The following FBXW8 variants were observed in gnomAD, a reference collection of about 807,000 sequenced individuals.
The protein encoded by FBXW8 is F-box and WD repeat domain containing 8.
A neutral mutation model predicts 65.3 loss-of-function variants in FBXW8; 57 were observed. The ratio of observed to expected loss-of-function variants is 0.87; its 90% confidence interval spans 0.71 to 1.09. The LOEUF (loss-of-function observed/expected upper bound fraction) is 1.09, where lower values mean the gene tolerates loss of function less well. Among genes scored for constraint, FBXW8 ranks in the 50% least tolerant of loss-of-function variants. FBXW8 has a pLI of 0.00. For missense variants in FBXW8, 777 were observed against 814.8 expected (o/e 0.95, Z 0.57); for synonymous variants, 308 against 330.2 (o/e 0.93, Z 0.73).
At chr12:116,926,846 T>C (rs938087174) in intron 1 of FBXW8, among the ~76,000 whole-genome samples, 3 of 152,202 alleles carry the variant, frequency 2.0e-5, no homozygotes, top group African/African-American at 4.8e-5. Flanking sequence ...CCGAGACTTC[T>C]AGATGAACAG....
At chr12:116,982,479 G>A (rs1238936838) in intron 5 of FBXW8, among the ~76,000 whole-genome samples, 1 of 152,136 alleles carries the variant, frequency 6.6e-6, no homozygotes, top group African/African-American at 2.4e-5. Context: ...TTGAAGAACT[G>A]TGCACGTGAT....
Position 117,010,390 on chromosome 12 carries a change from C to CG in FBXW8, c.1308dup (p.Cys437ValfsTer30). 1 of 1,614,246 alleles carries CG rather than the reference C, an allele frequency of 6.2e-7. No homozygotes were observed. The highest frequency in any genetic ancestry group is 1.1e-5 in the South Asian group (1 of 91,084). ...CTGGGTAACGTTCTCCGTGACTTCACGTGTGTCAACCTCAGCGACAGCCCT... is the reference window on the plus strand; with the variant it reads ...CTGGGTAACGTTCTCCGTGACTTCACGGTGTGTCAACCTCAGCGACAGCCCT... On this transcript the variant is annotated frameshift_variant, in exon 8 of 11. Coordinates refer to ENST00000652555, the MANE Select transcript of FBXW8 (RefSeq NM_153348.3). LOFTEE classifies it high-confidence loss of function.
intron 5 of FBXW8, among the ~76,000 whole-genome samples, chr12:116,981,360 C>G (rs1376606062): frequency 6.6e-6 from 1 of 152,176 alleles, no homozygotes; most frequent in African/African-American, 2.4e-5. Context: ...GCAGAAGCTG[C>G]AGGACTTTGT....
intron 7 of FBXW8, among the ~76,000 whole-genome samples, chr12:117,000,857 A>G (rs1314657098): frequency 6.6e-6 from 1 of 152,218 alleles, no homozygotes; most frequent in Non-Finnish European, 1.5e-5. Context: ...ATTAATAACT[A>G]TTTTGGTAGG....
intron 1 of FBXW8, among the ~76,000 whole-genome samples, chr12:116,912,114 T>C (rs1296987891): frequency 2.6e-5 from 4 of 151,874 alleles, no homozygotes; most frequent in Non-Finnish European, 5.9e-5. Context: ...TGATTTAAAT[T>C]AGGCCCAAAG....
chr12:117,020,503 T>C (rs11835474), intron 8 of FBXW8, among the ~76,000 whole-genome samples: 4,104 of 152,330 alleles, frequency 0.027, 181 homozygotes, highest in African/African-American at 0.087. Context: ...CTCATGTCTC[T>C]TATACCCCCA....
At chr12:116,965,313 A>G (rs925092987) in intron 5 of FBXW8, among the ~76,000 whole-genome samples, 5 of 152,222 alleles carry the variant, frequency 3.3e-5, no homozygotes, top group African/African-American at 1.2e-4. Context: ...CACTTAATAT[A>G]CCATACCAGA....
At chr12:116,956,044 A>G (rs928056703) in intron 4 of FBXW8, among the ~76,000 whole-genome samples, 2 of 152,230 alleles carry the variant, frequency 1.3e-5, no homozygotes, top group African/African-American at 4.8e-5. Context: ...TCATAAGGCT[A>G]AAGCATTCTA....
At chr12:117,020,371 C>T (rs951374699) in intron 8 of FBXW8, among the ~76,000 whole-genome samples, 1 of 152,108 alleles carries the variant, frequency 6.6e-6, no homozygotes, top group Non-Finnish European at 1.5e-5. Context: ...GTGTTTGATT[C>T]GTGTGCATTG....
chr12:116,932,907 A>C (rs1304787366), intron 2 of FBXW8, among the ~76,000 whole-genome samples: 3 of 152,180 alleles, frequency 2.0e-5, no homozygotes, highest in Admixed American at 1.3e-4. Flanking sequence ...AATTTTCAAT[A>C]TTCTTGATTA....
At position 117,012,859 on chromosome 12, in the gene FBXW8, C is replaced by T. The variant is rs1953859652; in HGVS notation, c.1367+2409C>T. On this transcript the variant is annotated intron_variant, in intron 8 of 10. Transcript: ENST00000652555. Reference sequence around the variant, plus strand: ...AACTCTAAAGGTACATAAAACTGCCCCAGATTAAGACAAAAATGTTTTCAT... The same window carrying T: ...AACTCTAAAGGTACATAAAACTGCCTCAGATTAAGACAAAAATGTTTTCAT... Among the ~76,000 whole-genome samples, 3 of 152,002 alleles carry T rather than the reference C, an allele frequency of 2.0e-5. No individual in the cohort carries two copies. The South Asian group carries it at 6.2e-4, about 32-fold the overall frequency.
At chr12:117,009,338 G>A (rs1455537325) in intron 7 of FBXW8, among the ~76,000 whole-genome samples, 1 of 151,326 alleles carries the variant, frequency 6.6e-6, no homozygotes, top group Non-Finnish European at 1.5e-5. Flanking sequence ...GCTACAGTGA[G>A]CTATAATGTT....
Position 117,001,903 on chromosome 12 carries a change from C to A in FBXW8, c.1240-8420C>A, listed in dbSNP as rs146592680. Among the ~76,000 whole-genome samples the A allele has an allele frequency of 6.6e-5, 10 of 152,322 alleles. No homozygotes were observed. In the East Asian group the frequency reaches 1.7e-3, roughly 26 times the overall value. On this transcript the variant is annotated intron_variant, in intron 7 of 10. Transcript: ENST00000652555. Reference sequence around the variant, plus strand: ...CACTGAGACAAAAATGATCCCAAAGCAAAGAGAGAACCATATTCTGCTCAC... The same window carrying A: ...CACTGAGACAAAAATGATCCCAAAGAAAAGAGAGAACCATATTCTGCTCAC...
chr12:116,929,206 C>T (rs991025745), intron 2 of FBXW8, among the ~76,000 whole-genome samples: 14 of 152,038 alleles, frequency 9.2e-5, no homozygotes, highest in Non-Finnish European at 1.5e-4. Flanking sequence ...CTCTTGTTCT[C>T]GTCTTTTTGG....
chr12:116,931,451 T>TTTATAGAGATTG (rs1296481546), intron 2 of FBXW8, among the ~76,000 whole-genome samples: 1 of 152,244 alleles, frequency 6.6e-6, no homozygotes, highest in Non-Finnish European at 1.5e-5. Flanking sequence ...AGATTGCATT[T>TTTATAGAGATTG]CACTCACTTT....
chr12:116,950,892 G>A (rs570962074), intron 4 of FBXW8: 1 of 152,334 alleles, frequency 6.6e-6, no homozygotes, highest in South Asian at 2.1e-4. Flanking sequence ...ACTCCGGAAG[G>A]TACTTAGATC....
chr12:116,980,407 A>G (rs1194579243), intron 5 of FBXW8: 1 of 152,244 alleles, frequency 6.6e-6, no homozygotes, highest in Non-Finnish European at 1.5e-5. Flanking sequence ...TCTTACAACC[A>G]AATGTTCCAT....
intron 5 of FBXW8, chr12:116,977,784 A>G (rs910394779): frequency 6.6e-6 from 1 of 152,178 alleles, no homozygotes; most frequent in African/African-American, 2.4e-5. Context: ...TTCTCCATCA[A>G]TCTGTTTTTC....
rs753304747 is a variant in FBXW8 at position 117,028,058 on chromosome 12, T to G, written c.1683T>G (p.Phe561Leu). 3 of 1,614,102 alleles carry G rather than the reference T, an allele frequency of 1.9e-6. No individual in the cohort carries two copies. The South Asian group carries it at 3.3e-5, about 18-fold the overall frequency. The change falls in exon 11 of 11, where the codon TTT becomes TTG. Residue 561 changes from phenylalanine (F) to leucine (L), a missense_variant. By Grantham distance (22) the Phe-to-Leu change is conservative. Coordinates refer to ENST00000652555, the MANE Select transcript of FBXW8 (RefSeq NM_153348.3). The surrounding 1 kb of genome is among the most constrained non-coding windows in gnomAD (Gnocchi z 4.1). ...GGGGGCTGATCCGCGCCTATGAGTT[T>G]GCGGTGGACCAGCTGGCCTTCCAGA... The part of the protein sequence containing the change: ...RHRGLIRAYE[F>L]AVDQLAFQSP...
Sources: allele counts gnomAD v4.1 joint callset (sites outside exome capture counted in the v4.1 genomes callset), GRCh38; gene constraint gnomAD v4.1.1; non-coding constraint Gnocchi (gnomAD v3.1); transcripts MANE v1.5; gene names NCBI Gene and HGNC (gene_info 2026-07-23, HGNC 2026-07-21).